Variants in TAFA2 observed in about 807,000 individuals in gnomAD.
The protein encoded by TAFA2 is chemokine-like protein TAFA-2.
In TAFA2, 7 loss-of-function variants were observed where a neutral mutation model predicts 18.8. That is an observed-to-expected ratio of 0.37 (90% CI 0.21 to 0.70). TAFA2 has a LOEUF of 0.70. Among genes scored for constraint, TAFA2 ranks in the 30% least tolerant of loss-of-function variants. TAFA2 has a pLI of 0.53. For synonymous variants in TAFA2, 60 were observed against 54.2 expected, an observed-to-expected ratio of 1.11 and a Z score of -0.47; for missense variants, 122 against 158.1, an observed-to-expected ratio of 0.77 and a Z score of 1.23.
intron 2 of TAFA2, among the ~76,000 whole-genome samples, chr12:61,826,273 A>T (rs1171117092): frequency 2.6e-5 from 4 of 152,070 alleles, no homozygotes; most frequent in Non-Finnish European, 4.4e-5. Flanking sequence ...CTTTAAAAAA[A>T]TATTTCCAGA....
chr12:61,866,551 A>C (rs1391853602), intron 2 of TAFA2, among the ~76,000 whole-genome samples: 1 of 152,220 alleles, frequency 6.6e-6, no homozygotes, highest in African/African-American at 2.4e-5. Flanking sequence ...CAGTTCAGAA[A>C]TAGCCCCATG....
intron 1 of TAFA2, among the ~76,000 whole-genome samples, chr12:61,999,424 G>A (rs949383752): frequency 6.6e-6 from 1 of 152,176 alleles, no homozygotes; most frequent in East Asian, 1.9e-4. Flanking sequence ...GAGTTTTAAA[G>A]TCTTGCATAA....
intron 1 of TAFA2, among the ~76,000 whole-genome samples, chr12:62,219,505 G>A (rs1040440578): frequency 2.0e-5 from 3 of 152,238 alleles, no homozygotes; most frequent in East Asian, 1.9e-4. Context: ...GAAGTTATTC[G>A]ATAATAATCA....
intron 1 of TAFA2, among the ~76,000 whole-genome samples, chr12:62,142,202 T>C (rs2062245260): frequency 6.6e-6 from 1 of 152,206 alleles, no homozygotes; most frequent in South Asian, 2.1e-4. Context: ...TTGTCATGTA[T>C]ACAATGAGAA....
chr12:62,071,620 A>G (rs1191971282), intron 1 of TAFA2, among the ~76,000 whole-genome samples: 5 of 152,156 alleles, frequency 3.3e-5, no homozygotes, highest in Non-Finnish European at 7.3e-5. Context: ...TTCTCCATGG[A>G]GGGATGTACT....
intron 1 of TAFA2, among the ~76,000 whole-genome samples, chr12:61,872,862 T>TTCTTTC: frequency 6.6e-6 from 1 of 150,454 alleles, no homozygotes; most frequent in African/African-American, 2.4e-5. Context: ...ACCCTGCAGT[T>TTCTTTC]TCTCTCTCTC....
chr12:62,063,471 G>T (rs1273388409), intron 1 of TAFA2, among the ~76,000 whole-genome samples: 7 of 151,964 alleles, frequency 4.6e-5, no homozygotes, highest in Admixed American at 2.6e-4. Flanking sequence ...ATATAGTTTG[G>T]GTTAACCTTT....
chr12:61,940,680 C>A (rs973455365), intron 1 of TAFA2, among the ~76,000 whole-genome samples: 2 of 152,178 alleles, frequency 1.3e-5, no homozygotes, highest in African/African-American at 4.8e-5. Context: ...CTTTTCTCAT[C>A]TACGCAGAGG....
intron 1 of TAFA2, among the ~76,000 whole-genome samples, chr12:61,970,397 C>T (rs1181083504): frequency 1.3e-5 from 2 of 151,244 alleles, no homozygotes; most frequent in Non-Finnish European, 3.0e-5. Context: ...AGAAAAAATA[C>T]AATGTCGGAA....
At chr12:61,954,854 C>G (rs1173597337) in intron 1 of TAFA2, among the ~76,000 whole-genome samples, 1 of 152,104 alleles carries the variant, frequency 6.6e-6, no homozygotes, top group African/African-American at 2.4e-5. Context: ...ACTTCGACTT[C>G]GGGAACTTTT....
chr12:61,948,190 A>T (rs1466653477), intron 1 of TAFA2, among the ~76,000 whole-genome samples: 1 of 152,168 alleles, frequency 6.6e-6, no homozygotes, highest in Non-Finnish European at 1.5e-5. Flanking sequence ...AAGATTTTTT[A>T]AATTTCTTTC....
chr12:61,820,688 T>C (rs1435793886), intron 2 of TAFA2, among the ~76,000 whole-genome samples: 1 of 151,936 alleles, frequency 6.6e-6, no homozygotes, highest in Non-Finnish European at 1.5e-5. Context: ...GATAAATAAA[T>C]GAAAAAACAA....
At chr12:62,181,418 G>A (rs1343815636) in intron 1 of TAFA2, among the ~76,000 whole-genome samples, 1 of 152,174 alleles carries the variant, frequency 6.6e-6, no homozygotes, top group Non-Finnish European at 1.5e-5. Context: ...AACAGATTCA[G>A]TGGAATGAAT....
chr12:61,744,918 T>C (rs962459187), intron 4 of TAFA2, among the ~76,000 whole-genome samples: 2 of 152,084 alleles, frequency 1.3e-5, no homozygotes, highest in Non-Finnish European at 2.9e-5. Flanking sequence ...GAACTCAATA[T>C]CTAATTAAAG....
intron 1 of TAFA2, among the ~76,000 whole-genome samples, chr12:61,993,394 G>A (rs954256613): frequency 6.6e-6 from 1 of 152,046 alleles, no homozygotes; most frequent in African/African-American, 2.4e-5. Context: ...ATATGTGTAT[G>A]TTGGTCTACC....
intron 2 of TAFA2, among the ~76,000 whole-genome samples, chr12:61,762,688 C>T (rs1277758342): frequency 3.3e-5 from 5 of 149,446 alleles, no homozygotes; most frequent in African/African-American, 1.2e-4. Context: ...CTTGAGATGC[C>T]TATAAAAAAA....
intron 1 of TAFA2, among the ~76,000 whole-genome samples, chr12:62,097,315 G>A (rs904411982): frequency 7.9e-5 from 12 of 152,222 alleles, no homozygotes; most frequent in African/African-American, 2.9e-4. Flanking sequence ...TTCTGAGGAG[G>A]TAATAATTAA....
chr12:61,880,926 G>A (rs1456708088), intron 1 of TAFA2, among the ~76,000 whole-genome samples: 1 of 151,966 alleles, frequency 6.6e-6, no homozygotes, highest in Non-Finnish European at 1.5e-5. Flanking sequence ...TTACTGCCGG[G>A]GGACCCCCCT....
chr12:61,746,191 A>G (rs1391182598), intron 4 of TAFA2, among the ~76,000 whole-genome samples: 1 of 152,020 alleles, frequency 6.6e-6, no homozygotes, highest in Non-Finnish European at 1.5e-5. Flanking sequence ...AGTGAGTCTC[A>G]TGAGATCTGA....
Sources: allele counts gnomAD v4.1 joint callset (sites outside exome capture counted in the v4.1 genomes callset), GRCh38; gene constraint gnomAD v4.1.1; transcripts MANE v1.5; gene names NCBI Gene and HGNC (gene_info 2026-07-23, HGNC 2026-07-21).